The following EYS variants were observed in gnomAD, a reference collection of about 807,000 sequenced individuals.
EYS encodes the protein protein eyes shut homolog.
EYS carries 250 observed loss-of-function variants against 282.1 expected under a neutral mutation model. That is an observed-to-expected ratio of 0.89 (90% CI 0.80 to 0.98). The LOEUF (loss-of-function observed/expected upper bound fraction) is 0.98, where lower values mean the gene tolerates loss of function less well. Among genes scored for constraint, EYS ranks in the 50% least tolerant of loss-of-function variants. The pLI is 0.00. For synonymous variants in EYS, 1,355 were observed against 1,282.9 expected (o/e 1.06, Z -1.20); for missense variants, 4,016 against 3,709.0 (o/e 1.08, Z -2.15).
chr6:64,708,841 G>T (rs1039252792), intron 22 of EYS, among the ~76,000 whole-genome samples: 4 of 152,156 alleles, frequency 2.6e-5, no homozygotes, highest in African/African-American at 9.7e-5. Flanking sequence ...CAAGTCCATT[G>T]TTTCTGACTC....
chr6:65,210,753 A>T (rs1203026391), intron 12 of EYS, among the ~76,000 whole-genome samples: 2 of 152,078 alleles, frequency 1.3e-5, no homozygotes, highest in African/African-American at 4.8e-5. Flanking sequence ...CACTTGTAGC[A>T]TGAAGAACGT....
At chr6:65,338,358 TG>T (rs1237589628) in intron 10 of EYS, among the ~76,000 whole-genome samples, 4 of 150,424 alleles carry the variant, frequency 2.7e-5, no homozygotes, top group Non-Finnish European at 4.5e-5. Flanking sequence ...GAATCTGCCT[TG>T]TAAAGCAGAG....
intron 22 of EYS, among the ~76,000 whole-genome samples, chr6:64,742,947 GA>G (rs1282156189): frequency 3.3e-5 from 5 of 152,086 alleles, no homozygotes; most frequent in Admixed American, 6.6e-5. Flanking sequence ...CTGCAAATAA[GA>G]AAATTTAGTA....
At chr6:64,166,937 A>C (rs1056771687) in intron 31 of EYS, among the ~76,000 whole-genome samples, 12 of 152,218 alleles carry the variant, frequency 7.9e-5, no homozygotes, top group Non-Finnish European at 1.5e-4. Flanking sequence ...CTGTGATAAA[A>C]ATTTTGCTAA....
intron 22 of EYS, among the ~76,000 whole-genome samples, chr6:64,703,429 A>ATATATAT (rs869208549): frequency 4.3e-5 from 1 of 23,368 alleles, no homozygotes; most frequent in Non-Finnish European, 1.1e-4. Context: ...ATATATATAT[A>ATATATAT]TTTTTTTTTT....
At chr6:64,336,586 A>G (rs1770858303) in intron 29 of EYS, among the ~76,000 whole-genome samples, 1 of 152,154 alleles carries the variant, frequency 6.6e-6, no homozygotes, top group East Asian at 1.9e-4. Context: ...AAGTCAACAA[A>G]GAAACAATGG....
chr6:65,479,879 G>A (rs1765545017), intron 5 of EYS, among the ~76,000 whole-genome samples: 1 of 151,994 alleles, frequency 6.6e-6, no homozygotes, highest in Non-Finnish European at 1.5e-5. Context: ...AAGTATGCTG[G>A]GTGTGGTGGC....
chr6:64,288,947 T>C (rs11970200), intron 30 of EYS, among the ~76,000 whole-genome samples: 4,547 of 152,152 alleles, frequency 0.03, 215 homozygotes, highest in African/African-American at 0.1. Flanking sequence ...ATTTTTTTCT[T>C]ATTCAAAAAA....
chr6:65,625,567 TA>T (rs1484467084), intron 2 of EYS, among the ~76,000 whole-genome samples: 1 of 152,214 alleles, frequency 6.6e-6, no homozygotes, highest in African/African-American at 2.4e-5. Flanking sequence ...GTCAATATAA[TA>T]CCGCATATTT....
At chr6:65,172,611 T>A (rs1176678487) in intron 12 of EYS, among the ~76,000 whole-genome samples, 1 of 151,344 alleles carries the variant, frequency 6.6e-6, no homozygotes. Context: ...AATATGGCAA[T>A]CAGCTATTCA....
At chr6:64,576,175 C>T (rs1218515616) in intron 26 of EYS, among the ~76,000 whole-genome samples, 1 of 152,056 alleles carries the variant, frequency 6.6e-6, no homozygotes, top group Non-Finnish European at 1.5e-5. Flanking sequence ...TTACATCATC[C>T]TTGACTAGCC....
intron 35 of EYS, among the ~76,000 whole-genome samples, chr6:63,951,620 T>C (rs1582019089): frequency 2.0e-5 from 3 of 152,176 alleles, no homozygotes; most frequent in African/African-American, 7.2e-5. Flanking sequence ...CCTCAGCTTC[T>C]GCTCCTCTAC....
At chr6:65,683,955 AC>A (rs1768918156) in intron 1 of EYS, among the ~76,000 whole-genome samples, 1 of 152,032 alleles carries the variant, frequency 6.6e-6, no homozygotes, top group Non-Finnish European at 1.5e-5. Context: ...CTAATTTTGG[AC>A]CAAAGTTTTA....
chr6:64,896,498 A>C (rs550062234), intron 18 of EYS, among the ~76,000 whole-genome samples: 1 of 151,702 alleles, frequency 6.6e-6, no homozygotes, highest in East Asian at 1.9e-4. Flanking sequence ...CAAGCAAAAA[A>C]CTGGGTGGCC....
intron 12 of EYS, among the ~76,000 whole-genome samples, chr6:65,217,851 T>C (rs569992672): frequency 1.3e-5 from 2 of 152,202 alleles, no homozygotes; most frequent in Non-Finnish European, 2.9e-5. Flanking sequence ...GACACTGACA[T>C]GCCAGTAGGT....
At chr6:63,827,256 A>C (rs994801217) in intron 36 of EYS, among the ~76,000 whole-genome samples, 1 of 152,178 alleles carries the variant, frequency 6.6e-6, no homozygotes, top group African/African-American at 2.4e-5. Context: ...CTAACACTGG[A>C]GCTCCCAAAT....
intron 2 of EYS, among the ~76,000 whole-genome samples, chr6:65,536,067 C>T (rs1343336006): frequency 2.6e-5 from 4 of 151,950 alleles, no homozygotes; most frequent in African/African-American, 9.7e-5. Flanking sequence ...GATGAATTTA[C>T]TTCAGATACA....
intron 13 of EYS, among the ~76,000 whole-genome samples, chr6:65,017,628 G>C (rs764823530): frequency 4.6e-5 from 7 of 151,928 alleles, no homozygotes; most frequent in Non-Finnish European, 8.8e-5. Context: ...ACAATTTTAT[G>C]GATCACCAAA....
intron 19 of EYS, among the ~76,000 whole-genome samples, chr6:64,852,697 G>A (rs997729758): frequency 2.0e-5 from 3 of 152,076 alleles, no homozygotes; most frequent in African/African-American, 4.8e-5. Context: ...GTGAAGACAT[G>A]GAGACATAGA....
Sources: allele counts gnomAD v4.1 joint callset (sites outside exome capture counted in the v4.1 genomes callset), GRCh38; gene constraint gnomAD v4.1.1; transcripts MANE v1.5; gene names NCBI Gene and HGNC (gene_info 2026-07-23, HGNC 2026-07-21).